Variants in EXOC5 observed in about 807,000 individuals in gnomAD.
EXOC5 encodes the protein SEC10-like 1.
Under a neutral mutation model 90.8 loss-of-function variants are expected in EXOC5, and 17 were observed. That is an observed-to-expected ratio of 0.19 (90% confidence interval 0.13 to 0.28). The LOEUF (loss-of-function observed/expected upper bound fraction) is 0.28. Ranked by LOEUF, EXOC5 falls within the 10% of genes least tolerant of loss-of-function variation. The pLI is 1.00. For missense variants in EXOC5, 569 were observed against 830.6 expected, an observed-to-expected ratio of 0.69 and a Z score of 3.87; for synonymous variants, 260 against 270.0, an observed-to-expected ratio of 0.96 and a Z score of 0.36.
intron 1 of EXOC5, among the ~76,000 whole-genome samples, chr14:57,255,823 C>T (rs1426580761): frequency 6.7e-6 from 1 of 148,404 alleles, no homozygotes; most frequent in Non-Finnish European, 1.5e-5. Context: ...CTGAGCAAGA[C>T]TCCGTCTCCA....
In EXOC5 at chr14:57,219,426, A is replaced by C; in HGVS notation, c.1422T>G (p.Asp474Glu). 1 of 1,573,096 alleles carries C rather than the reference A, an allele frequency of 6.4e-7. No individual in the cohort carries two copies. The highest frequency in any genetic ancestry group is 8.6e-7 in the Non-Finnish European group (1 of 1,160,980). ...ETGLAGIPSSDSRNANLYFLD... is the reference protein window; with the variant it reads ...ETGLAGIPSSESRNANLYFLD... ...AAAAATAAAGATTTGCATTCCTAGA[A>C]TCTGAAGAGGGAATTCCTAAAACCA... Residue 474 changes from aspartate (D) to glutamate (E), a missense_variant, in exon 14 of 18, where the codon GAT becomes GAG. Asp to Glu is a conservative substitution (Grantham distance 45). Around this residue, in one of 9 missense-constraint regions of EXOC5, gnomAD observed 56 missense variants for 51.1 expected, o/e 1.10. Transcript: ENST00000621441.
At chr14:57,246,936 T>A in intron 2 of EXOC5, 78 bp from the exon 3 acceptor site, 1 of 787,016 alleles carries the variant, frequency 1.3e-6, no homozygotes, top group Non-Finnish European at 2.0e-6. Flanking sequence ...CTTATAATCA[T>A]AGTCTTAATA....
chr14:57,251,599 C>T (rs1884195590), intron 1 of EXOC5, among the ~76,000 whole-genome samples: 1 of 151,432 alleles, frequency 6.6e-6, no homozygotes, highest in African/African-American at 2.4e-5. Context: ...CAAATCAACA[C>T]AACTTTAAAA....
Position 57,208,561 on chromosome 14 carries a change from C to T in EXOC5, c.*48G>A. On this transcript the variant is annotated 3_prime_UTR_variant, in exon 18 of 18. Coordinates refer to ENST00000621441, the MANE Select transcript of EXOC5 (RefSeq NM_006544.4). ...AACCGAGGGCTGCTGAAGTATAAGA[C>T]ATTCCTCTGTAAAGGAACTGACACT... 7.0e-7 allele frequency: 1 copy of T among 1,420,944 alleles called. No homozygotes were observed. The highest frequency in any genetic ancestry group is 9.8e-7 in the Non-Finnish European group (1 of 1,015,770). 88.0% of individuals were successfully genotyped at this position (1,420,944 alleles called of 1,614,324 possible).
intron 4 of EXOC5, chr14:57,243,656 A>G (rs2139650918): frequency 6.5e-6 from 1 of 153,102 alleles, no homozygotes; most frequent in African/African-American, 2.4e-5. Context: ...GGATTAACAT[A>G]AACAATTAAT....
chr14:57,248,439 G>T (rs1339779234), intron 1 of EXOC5, among the ~76,000 whole-genome samples: 1 of 151,756 alleles, frequency 6.6e-6, no homozygotes, highest in Admixed American at 6.6e-5. Flanking sequence ...TCATGATAAT[G>T]TAAAAAGTTT....
chr14:57,214,495 G>C (rs1455335664), intron 15 of EXOC5, among the ~76,000 whole-genome samples: 1 of 152,140 alleles, frequency 6.6e-6, no homozygotes. Flanking sequence ...GGGAACTTAT[G>C]AAGAATGGCC....
At chr14:57,219,865 T>G (rs530243204) in intron 13 of EXOC5, among the ~76,000 whole-genome samples, 1 of 152,198 alleles carries the variant, frequency 6.6e-6, no homozygotes, top group South Asian at 2.1e-4. Context: ...CTACACTATC[T>G]CCTCAAAAAT....
In EXOC5 at chr14:57,234,644, C is replaced by T. The variant is rs1025259872; in HGVS notation, c.670-612G>A. 2.0e-5 allele frequency among the ~76,000 whole-genome samples: 3 copies of T among 150,556 alleles called. No individual in the cohort carries two copies. In the Admixed American group the frequency reaches 2.0e-4, roughly 10 times the overall value. On this transcript the variant is annotated intron_variant, in intron 7 of 17. Transcript: ENST00000621441. ...GCAATGGTGTCATCTTGGCTAACTA[C>T]AACCTCTGCCTCCCAGGCTCATGCG...
chr14:57,250,307 TA>T (rs1884153561), intron 1 of EXOC5, among the ~76,000 whole-genome samples: 3 of 152,126 alleles, frequency 2.0e-5, no homozygotes, highest in Admixed American at 6.5e-5. Context: ...CTCCAGAGTT[TA>T]TACCAAAGTC....
intron 10 of EXOC5, chr14:57,232,001 G>A (rs1035664420): frequency 1.0e-5 from 3 of 296,738 alleles, no homozygotes; most frequent in African/African-American, 6.6e-5. Context: ...TGGCAGATTG[G>A]CCTCAAGTAT....
chr14:57,241,009 C>T (rs1220371074), intron 4 of EXOC5, among the ~76,000 whole-genome samples: 4 of 152,056 alleles, frequency 2.6e-5, no homozygotes, highest in Non-Finnish European at 4.4e-5. Context: ...TGCACCACCA[C>T]ACCCGCTAAT....
At chr14:57,222,266 A>C (rs375836989) in intron 13 of EXOC5, 42 bp downstream of exon 13, 1 of 973,224 alleles carries the variant, frequency 1.0e-6, no homozygotes, top group Non-Finnish European at 1.6e-6. Flanking sequence ...AACCAAGCAG[A>C]ATCAAAAGAA....
chr14:57,264,208 C>G (rs1884601818), intron 1 of EXOC5, among the ~76,000 whole-genome samples: 2 of 152,304 alleles, frequency 1.3e-5, no homozygotes, highest in South Asian at 2.1e-4. Flanking sequence ...CACTTAACAA[C>G]TAATATGGTT....
At chr14:57,242,026 A>C (rs1883879041) in intron 4 of EXOC5, among the ~76,000 whole-genome samples, 1 of 150,914 alleles carries the variant, frequency 6.6e-6, no homozygotes, top group African/African-American at 2.4e-5. Context: ...CCAGCTACTC[A>C]GGAGGCTGAG....
Position 57,268,607 on chromosome 14 carries a change from G to A in EXOC5, c.27+15C>T. 1 of 1,587,940 alleles carries A rather than the reference G, an allele frequency of 6.3e-7. No individual in the cohort carries two copies. Among genetic ancestry groups the A allele is most frequent in the Non-Finnish European group, 8.5e-7 (1 of 1,172,358 alleles). ...CCCCGGGCCTGCCACTCCCTGTAGA[G>A]CCGCCGGGGCCCACCTCGAAGAGCT... On this transcript the variant is annotated intron_variant, in intron 1 of 17. Coordinates refer to ENST00000621441, the MANE Select transcript of EXOC5 (RefSeq NM_006544.4).
At chr14:57,222,642 T>C (rs1883180351) in intron 12 of EXOC5, among the ~76,000 whole-genome samples, 1 of 151,778 alleles carries the variant, frequency 6.6e-6, no homozygotes, top group African/African-American at 2.4e-5. Flanking sequence ...TTTTTCAAAC[T>C]TGGATTGCAA....
intron 6 of EXOC5, among the ~76,000 whole-genome samples, chr14:57,236,980 T>G (rs1326994531): frequency 6.6e-6 from 1 of 152,020 alleles, no homozygotes; most frequent in East Asian, 1.9e-4. Context: ...AATGCACTAT[T>G]AAATTAAAAA....
rs1019518819 is a variant in EXOC5 at position 57,268,792 on chromosome 14, C to T, written c.-144G>A. On this transcript the variant is annotated 5_prime_UTR_variant, in exon 1 of 18. Transcript: ENST00000621441. ...CGGGCTCCCCAGCTCCCCACAGATC[C>T]CAGGAGGGGCGGGAGAGCGGCCATG... 2.1e-6 allele frequency: 3 copies of T among 1,417,130 alleles called. No homozygotes were observed. Among genetic ancestry groups the T allele is most frequent in the East Asian group, 2.8e-5 (1 of 36,306 alleles). The allele number at this position is 1,417,130 out of a possible 1,614,324, so 87.8% of individuals were successfully genotyped here.
Sources: allele counts gnomAD v4.1 joint callset (sites outside exome capture counted in the v4.1 genomes callset), GRCh38; gene constraint gnomAD v4.1.1; regional missense constraint gnomAD v4.1.1; transcripts MANE v1.5; gene names NCBI Gene and HGNC (gene_info 2026-07-23, HGNC 2026-07-21).